SOX5: variants seen among roughly 807,000 people sequenced by gnomAD.
SOX5 encodes transcription factor SOX-5.
In SOX5, 9 loss-of-function variants were observed where a neutral mutation model predicts 92.0. That is an observed-to-expected ratio of 0.10 (90% CI 0.06 to 0.17). SOX5 has a LOEUF of 0.17. Among genes scored for constraint, SOX5 ranks in the 10% least tolerant of loss-of-function variants. The pLI, the probability that SOX5 is intolerant of heterozygous loss-of-function variation, is 1.00. For synonymous variants in SOX5, 344 were observed against 336.3 expected (o/e 1.02, Z -0.25); for missense variants, 642 against 944.5 (o/e 0.68, Z 4.20).
chr12:23,990,647 A>C lies in SOX5; in HGVS notation c.-1-94623T>G, dbSNP rs1950478707. On this transcript the variant is annotated intron_variant, in intron 4 of 4. Transcript: ENST00000446891. ...CTCATCACTTCTAATTCTGTACTACACTTCTGTATCTTCTACATGTTTCTA... is the reference window on the plus strand; with the variant it reads ...CTCATCACTTCTAATTCTGTACTACCCTTCTGTATCTTCTACATGTTTCTA... Among the ~76,000 whole-genome samples the C allele has an allele frequency of 2.6e-5, 4 of 152,006 alleles. 1 individual carries two copies. The South Asian group carries it at 8.3e-4, about 31-fold the overall frequency.
intron 4 of SOX5, among the ~76,000 whole-genome samples, chr12:24,153,220 T>C (rs188233482): frequency 2.0e-4 from 31 of 152,278 alleles, no homozygotes; most frequent in Admixed American, 1.2e-3. Flanking sequence ...AGACGAATCC[T>C]ATTTAAACTT....
chr12:24,182,064 G>A (rs552001744), intron 4 of SOX5, among the ~76,000 whole-genome samples: 1 of 152,222 alleles, frequency 6.6e-6, no homozygotes, highest in South Asian at 2.1e-4. Context: ...AAACACAATA[G>A]GTTTCTCAAG....
chr12:23,546,229 G>T (rs1186197543), intron 12 of SOX5, 87 bp downstream of exon 12: 3 of 749,438 alleles, frequency 4.0e-6, no homozygotes, highest in Non-Finnish European at 7.0e-6. Flanking sequence ...TGAGGTGGCT[G>T]TCTAGTCTAT....
chr12:23,572,568 G>T (rs1478208454), intron 10 of SOX5, among the ~76,000 whole-genome samples: 1 of 151,866 alleles, frequency 6.6e-6, no homozygotes, highest in East Asian at 1.9e-4. Flanking sequence ...GAATGCTAAA[G>T]AAAAAATATT....
rs1959066964 is a variant in SOX5, at chr12:24,392,251, TCC to T, written c.-250-23614_-250-23613del. ...GTCTTATCCTCCAGTCTGTCTATTC[TCC>T]CCACAGTAGCCACAGTAAGCTTTGC... On this transcript the variant is annotated intron_variant, in intron 1 of 4. Coordinates refer to the SOX5 transcript ENST00000446891. 2.6e-5 allele frequency among the ~76,000 whole-genome samples: 4 copies of T among 152,212 alleles called. No homozygotes were observed. The South Asian group carries it at 8.3e-4, about 32-fold the overall frequency.
intron 6 of SOX5, among the ~76,000 whole-genome samples, chr12:23,688,118 C>T (rs546979260): frequency 1.3e-4 from 20 of 152,126 alleles, no homozygotes; most frequent in African/African-American, 4.8e-4. Context: ...TTACATCTTG[C>T]TTGCAAATGC....
upstream of SOX5, among the ~76,000 whole-genome samples, chr12:23,952,807 T>C (rs1945828322): frequency 6.6e-6 from 1 of 152,170 alleles, no homozygotes; most frequent in Non-Finnish European, 1.5e-5. Flanking sequence ...TAGGTATGTA[T>C]TTCCCTAATT....
At chr12:24,525,642 C>T (rs1597604056) in intron 1 of SOX5, among the ~76,000 whole-genome samples, 2 of 152,118 alleles carry the variant, frequency 1.3e-5, no homozygotes, top group African/African-American at 4.8e-5. Context: ...GAGGCCGAGG[C>T]GAATGGATCA....
At chr12:24,407,407 G>C (rs1210950812) in intron 1 of SOX5, 1 of 152,134 alleles carries the variant, frequency 6.6e-6, no homozygotes, top group African/African-American at 2.4e-5. Flanking sequence ...CAGAGGGTCC[G>C]AACAGCATTT....
chr12:23,910,206 A>C (rs2097336730), intron 1 of SOX5, among the ~76,000 whole-genome samples: 1 of 152,194 alleles, frequency 6.6e-6, no homozygotes. Flanking sequence ...CATATAATAG[A>C]GGTAGAATGA....
At chr12:24,168,707 A>G (rs1205569156) in intron 4 of SOX5, among the ~76,000 whole-genome samples, 2 of 152,204 alleles carry the variant, frequency 1.3e-5, no homozygotes. Context: ...GGCTTTTGGA[A>G]TATAATAGAG....
rs1320453771 is a variant in SOX5 at position 23,846,062 on chromosome 12, C to T, written c.402G>A (p.Arg134=). The T allele has an allele frequency of 6.2e-7, 1 of 1,614,136 alleles. No homozygotes were observed. The highest frequency in any genetic ancestry group is 1.3e-5 in the African/African-American group (1 of 75,026). ...LSSTALGTPE[R]RKGSLADVVD... is the part of the protein sequence containing the mutation. ...CAACATCAGCTAAACTGCCCTTGCGCCGTTCAGGAGTTCCCAGGGCTGTAC... is the reference window on the plus strand; with the variant it reads ...CAACATCAGCTAAACTGCCCTTGCGTCGTTCAGGAGTTCCCAGGGCTGTAC... The change falls in exon 3 of 15, where the codon CGG becomes CGA. Residue 134 remains arginine, a synonymous_variant. Coordinates refer to ENST00000451604, the MANE Select transcript of SOX5 (RefSeq NM_006940.6).
At chr12:23,651,142 C>A (rs116968442) in intron 7 of SOX5, among the ~76,000 whole-genome samples, 2,109 of 151,892 alleles carry the variant, frequency 0.014, 26 homozygotes, top group South Asian at 0.026. Flanking sequence ...CTTGTTCTCC[C>A]ACTGATTTGA....
At chr12:24,510,923 G>A (rs1285611113) in intron 1 of SOX5, among the ~76,000 whole-genome samples, 2 of 152,178 alleles carry the variant, frequency 1.3e-5, no homozygotes, top group Non-Finnish European at 2.9e-5. Context: ...GAGAAGCCAA[G>A]GGAATCTTTT....
At chr12:23,902,370 C>A (rs1435878559) in intron 1 of SOX5, among the ~76,000 whole-genome samples, 2 of 151,996 alleles carry the variant, frequency 1.3e-5, no homozygotes, top group African/African-American at 4.8e-5. Context: ...GGATGCAGTG[C>A]CTTCTACTGG....
At chr12:23,787,371 G>T (rs1567755346) in intron 3 of SOX5, among the ~76,000 whole-genome samples, 2 of 151,862 alleles carry the variant, frequency 1.3e-5, no homozygotes, top group Non-Finnish European at 1.5e-5. Flanking sequence ...AAGAATTTTG[G>T]TCTCACTTTT....
chr12:24,182,636 A>C (rs1399264096), intron 4 of SOX5, among the ~76,000 whole-genome samples: 1 of 152,074 alleles, frequency 6.6e-6, no homozygotes, highest in Admixed American at 6.6e-5. Flanking sequence ...AACGTACTTT[A>C]AGGATAGATT....
intron 3 of SOX5, among the ~76,000 whole-genome samples, chr12:24,231,757 G>A (rs1963456722): frequency 6.6e-6 from 1 of 152,158 alleles, no homozygotes; most frequent in African/African-American, 2.4e-5. Flanking sequence ...AACTAACTGT[G>A]TGTCTTCGAA....
intron 3 of SOX5, among the ~76,000 whole-genome samples, chr12:24,233,943 G>A (rs1483422218): frequency 6.6e-6 from 1 of 152,092 alleles, no homozygotes; most frequent in Non-Finnish European, 1.5e-5. Context: ...ATAAACGAAA[G>A]GCACAACTTG....
Sources: gnomAD v4.1 joint callset for allele counts (sites outside exome capture counted in the v4.1 genomes callset) on GRCh38, gnomAD v4.1.1 for gene constraint, MANE v1.5 for transcripts, NCBI Gene and HGNC (gene_info 2026-07-23, HGNC 2026-07-21) for gene names.